The following GRK4 variants were observed in gnomAD, a reference collection of about 807,000 sequenced individuals.
GRK4 encodes the protein G protein-coupled receptor kinase 2-like.
In GRK4, 73 loss-of-function variants were observed where a neutral mutation model predicts 77.9. That is an observed-to-expected ratio of 0.94 (90% CI 0.78 to 1.14). The LOEUF (loss-of-function observed/expected upper bound fraction) is 1.14. Among genes scored for constraint, GRK4 ranks in the 50% most tolerant of loss-of-function variants. The pLI is 0.00. For missense variants in GRK4, 729 were observed against 700.2 expected (o/e 1.04, Z -0.46); for synonymous variants, 257 against 254.4 (o/e 1.01, Z -0.10).
chr4:2,985,972 A>G (rs534511704), intron 2 of GRK4, among the ~76,000 whole-genome samples: 10 of 147,636 alleles, frequency 6.8e-5, no homozygotes, highest in African/African-American at 2.3e-4. Context: ...GTGACAGAAC[A>G]AGACTCCGTC....
chr4:3,006,423 T>G (rs1486663235), intron 5 of GRK4, among the ~76,000 whole-genome samples: 1 of 151,990 alleles, frequency 6.6e-6, no homozygotes, highest in Non-Finnish European at 1.5e-5. Context: ...GTCATCTTAC[T>G]TATTCTTGTT....
intron 4 of GRK4, among the ~76,000 whole-genome samples, chr4:2,999,401 C>T (rs1560417609): frequency 6.6e-6 from 1 of 152,214 alleles, no homozygotes; most frequent in African/African-American, 2.4e-5. Context: ...AAAGGTCCCA[C>T]CTCTCAACAC....
chr4:2,994,507 G>A (rs1448034231), intron 4 of GRK4, among the ~76,000 whole-genome samples: 2 of 152,118 alleles, frequency 1.3e-5, no homozygotes, highest in African/African-American at 2.4e-5. Flanking sequence ...CACTACACCC[G>A]GCTCCATTTA....
intron 4 of GRK4, among the ~76,000 whole-genome samples, chr4:3,003,028 G>A (rs1223251478): frequency 2.0e-5 from 3 of 152,086 alleles, no homozygotes; most frequent in South Asian, 2.1e-4. Context: ...CTCCAGAACC[G>A]ACCTTTTCAT....
chr4:3,019,320 G>A (rs1005716656), intron 8 of GRK4, among the ~76,000 whole-genome samples: 21 of 152,174 alleles, frequency 1.4e-4, no homozygotes, highest in African/African-American at 5.1e-4. Context: ...GGTTGCCCGG[G>A]AAGTACAGAA....
rs190682966 is a variant in GRK4, at chr4:3,034,685, C to T, written c.1270-701C>T. Among the ~76,000 whole-genome samples, 7 of 152,266 alleles carry T rather than the reference C, an allele frequency of 4.6e-5. No homozygotes were observed. In the East Asian group the frequency reaches 1.3e-3, roughly 29 times the overall value. On this transcript the variant is annotated intron_variant, in intron 12 of 15. Coordinates refer to ENST00000398052, the MANE Select transcript of GRK4 (RefSeq NM_182982.3). ...GTAATTTTAAGAATATACTAGAATACCAAAATATTAAGAAGATATTTTGAG... is the reference window on the plus strand; with the variant it reads ...GTAATTTTAAGAATATACTAGAATATCAAAATATTAAGAAGATATTTTGAG...
chr4:3,029,099 A>G, intron 11 of GRK4, 102 bp from the exon 12 acceptor site: 1 of 880,558 alleles, frequency 1.1e-6, no homozygotes. Flanking sequence ...AGGTTCGTCC[A>G]TGTTGTCACA....
intron 8 of GRK4, among the ~76,000 whole-genome samples, chr4:3,017,902 G>T (rs899125329): frequency 3.9e-5 from 6 of 151,934 alleles, no homozygotes; most frequent in Non-Finnish European, 8.8e-5. Flanking sequence ...GCTTTTCCCC[G>T]TGAGATCTGG....
intron 13 of GRK4, among the ~76,000 whole-genome samples, chr4:3,036,612 C>A (rs562337730): frequency 3.3e-5 from 5 of 152,340 alleles, no homozygotes; most frequent in African/African-American, 1.2e-4. Flanking sequence ...CAGGTGGAGA[C>A]CCGGACCTTG....
At position 3,037,420 on chromosome 4, in the gene GRK4, C is replaced by G. The variant is rs1042299109; in HGVS notation, c.1454C>G (p.Ser485Trp). 1 of 1,611,386 alleles carries G rather than the reference C, an allele frequency of 6.2e-7. No individual in the cohort carries two copies. The highest frequency in any genetic ancestry group is 1.3e-5 in the African/African-American group (1 of 74,816). ...CKDVLDIEQF[S>W]VVKGIYLDTA... ...GACGTCCTGGATATCGAGCAGTTCT[C>G]GGTGGTGAAAGGGATCTACCTGGAC... Residue 485 changes from serine to tryptophan, a missense_variant, in exon 14 of 16, where the codon TCG becomes TGG. Transcript: ENST00000398052.
At chr4:3,034,967 G>A (rs959643013) in intron 12 of GRK4, among the ~76,000 whole-genome samples, 11 of 152,130 alleles carry the variant, frequency 7.2e-5, no homozygotes, top group Admixed American at 1.3e-4. Flanking sequence ...GAAATTATTT[G>A]TTAGATGCAG....
At chr4:2,987,841 C>T (rs1240854701) in intron 2 of GRK4, among the ~76,000 whole-genome samples, 1 of 151,906 alleles carries the variant, frequency 6.6e-6, no homozygotes, top group East Asian at 1.9e-4. Flanking sequence ...TTTGGCAAGC[C>T]AAGGCAGGTG....
At chr4:2,999,842 T>C (rs1729006907) in intron 4 of GRK4, among the ~76,000 whole-genome samples, 1 of 152,088 alleles carries the variant, frequency 6.6e-6, no homozygotes. Context: ...AGTGAAAACA[T>C]AACCAACAGA....
At chr4:3,032,422 CAAAAAAG>C (rs1463651381) in intron 12 of GRK4, among the ~76,000 whole-genome samples, 1 of 151,516 alleles carries the variant, frequency 6.6e-6, no homozygotes, top group Non-Finnish European at 1.5e-5. Context: ...GACTCCGTCT[CAAAAAAG>C]AAAAAAGAAA....
intron 4 of GRK4, among the ~76,000 whole-genome samples, chr4:3,002,714 C>G (rs556279505): frequency 6.6e-6 from 1 of 152,106 alleles, no homozygotes; most frequent in Non-Finnish European, 1.5e-5. Flanking sequence ...AAAAAACTAG[C>G]CAGGTGTGGT....
At chr4:2,976,233 GT>G (rs1030734196) in intron 1 of GRK4, among the ~76,000 whole-genome samples, 4 of 145,114 alleles carry the variant, frequency 2.8e-5, no homozygotes, top group Middle Eastern at 3.5e-3. Context: ...CTTCTTCCTT[GT>G]TTTTTTTTCC....
At chr4:3,022,357 C>A in intron 9 of GRK4, 57 bp from the exon 10 acceptor site, 1 of 1,565,320 alleles carries the variant, frequency 6.4e-7, no homozygotes, top group South Asian at 1.1e-5. Flanking sequence ...ACTGGGTACT[C>A]AGGAATCACA....
At chr4:3,004,366 T>C (rs745730315) in intron 5 of GRK4, 32 bp downstream of exon 5, 6 of 1,329,878 alleles carry the variant, frequency 4.5e-6, no homozygotes, top group Non-Finnish European at 6.5e-6. Context: ...CTGCATATAT[T>C]ATCTATGACT....
chr4:2,992,115 T>C (rs1204917143), intron 3 of GRK4, 100 bp from the exon 4 acceptor site: 5 of 726,540 alleles, frequency 6.9e-6, no homozygotes, highest in Non-Finnish European at 1.2e-5. Context: ...TGAGCTCAAG[T>C]GATCCTCCCA....
Sources: allele counts gnomAD v4.1 joint callset (sites outside exome capture counted in the v4.1 genomes callset), GRCh38; gene constraint gnomAD v4.1.1; transcripts MANE v1.5; gene names NCBI Gene and HGNC (gene_info 2026-07-23, HGNC 2026-07-21).